Variants in NBAS observed in about 807,000 individuals in gnomAD.
NBAS encodes the protein NAG/BC035112 fusion.
NBAS carries 219 observed loss-of-function variants against 302.5 expected under a neutral mutation model. The observed-to-expected ratio is 0.72, with a 90% CI of 0.65 to 0.81. The LOEUF is 0.81. Among genes scored for constraint, NBAS ranks in the 30% least tolerant of loss-of-function variants. The pLI, the probability that NBAS is intolerant of heterozygous loss-of-function variation, is 0.00. For synonymous variants in NBAS, 1,118 were observed against 1,021.6 expected (o/e 1.09, Z -1.80); for missense variants, 2,932 against 2,841.6 (o/e 1.03, Z -0.72).
At chr2:14,785,414 G>A in the NBAS span, among the ~76,000 whole-genome samples, 18 of 152,272 alleles carry the variant, frequency 1.2e-4, no homozygotes, top group Admixed American at 3.9e-4. Context: ...CAAAGGGAAT[G>A]CTTCCAGTTT....
rs556576403 is a variant in NBAS at position 15,387,270 on chromosome 2, T to C, written c.3258-3953A>G. Among the ~76,000 whole-genome samples the C allele has an allele frequency of 2.6e-5, 4 of 152,206 alleles. No homozygotes were observed. In the South Asian group the frequency reaches 8.3e-4, roughly 32 times the overall value. The stretch of plus-strand genomic sequence containing the variant: ...TTTTAGTAGAGACAAGGTTTCACCA[T>C]GTTAGCCAGAATGGTCTCCATCTCC... On this transcript the variant is annotated intron_variant, in intron 28 of 51. Transcript: ENST00000281513.
At chr2:15,081,682 G>A in the NBAS span, among the ~76,000 whole-genome samples, 22 of 152,262 alleles carry the variant, frequency 1.4e-4, 1 homozygote, top group African/African-American at 3.1e-4. Context: ...CTTCCCTATC[G>A]TGTGTAATTA....
At chr2:15,241,558 T>A (rs1667867538) in intron 44 of NBAS, among the ~76,000 whole-genome samples, 1 of 152,186 alleles carries the variant, frequency 6.6e-6, no homozygotes. Flanking sequence ...CTTGACAAAG[T>A]GCTTCAAGCT....
In NBAS at chr2:15,461,232, G is replaced by A. The variant is rs772759479; in HGVS notation, c.2308C>T (p.His770Tyr). 49 of 1,613,732 alleles carry A rather than the reference G, an allele frequency of 3.0e-5. No homozygotes were observed. The East Asian group carries it at 3.1e-4, about 10-fold the overall frequency. Residue 770 changes from histidine to tyrosine, a missense_variant, in exon 21 of 52, where the codon CAT becomes TAT. By Grantham distance (83) the His-to-Tyr change is moderately conservative. Transcript: ENST00000281513. ...LSNFPETTSP[H>Y]EYSVLLPEAC... The stretch of plus-strand genomic sequence containing the variant: ...TCGGGCAGCAAAACAGAATATTCAT[G>A]TGGAGAAGTGGTCTCTGGAAAGTTG...
chr2:14,819,320 G>A, the NBAS span, among the ~76,000 whole-genome samples: 3 of 152,190 alleles, frequency 2.0e-5, no homozygotes, highest in Non-Finnish European at 4.4e-5. Flanking sequence ...TCCAATCCTA[G>A]AAGACCAGAA....
the NBAS span, among the ~76,000 whole-genome samples, chr2:15,151,680 G>A: frequency 1.3e-5 from 2 of 152,086 alleles, no homozygotes; most frequent in African/African-American, 4.8e-5. Flanking sequence ...TAAGGTACTT[G>A]GCTAAAATAA....
At chr2:15,259,556 T>C (rs1361875453) in intron 44 of NBAS, among the ~76,000 whole-genome samples, 2 of 152,218 alleles carry the variant, frequency 1.3e-5, no homozygotes, top group East Asian at 3.8e-4. Context: ...CTTTGAGATG[T>C]AAATCTTCTA....
chr2:15,041,994 T>C, the NBAS span, among the ~76,000 whole-genome samples: 1 of 152,242 alleles, frequency 6.6e-6, no homozygotes, highest in Non-Finnish European at 1.5e-5. Context: ...ATGAAGGTGA[T>C]ACGTGTTTGT....
chr2:15,253,742 G>C (rs1486329548), intron 44 of NBAS, among the ~76,000 whole-genome samples: 1 of 152,090 alleles, frequency 6.6e-6, no homozygotes, highest in Non-Finnish European at 1.5e-5. Context: ...ACATTGTTCT[G>C]ATGTCTAAAG....
the NBAS span, among the ~76,000 whole-genome samples, chr2:14,943,191 A>G: frequency 1.3e-5 from 2 of 152,214 alleles, no homozygotes; most frequent in African/African-American, 4.8e-5. Context: ...GGGACTCTCA[A>G]TGACTCACCA....
chr2:15,275,910 C>G lies in NBAS; in HGVS notation c.5390-92G>C, dbSNP rs550958430. On this transcript the variant is annotated intron_variant, in intron 43 of 51. Coordinates refer to ENST00000281513, the MANE Select transcript of NBAS (RefSeq NM_015909.4). Reference sequence around the variant, plus strand: ...CACACACACATAGCCCTCTATATGTCTGAACGCAAAGATCTATCAACTTAG... The same window carrying G: ...CACACACACATAGCCCTCTATATGTGTGAACGCAAAGATCTATCAACTTAG... The G allele has an allele frequency of 1.1e-4, 118 of 1,090,404 alleles. 1 individual carries two copies. In the South Asian group the frequency reaches 1.5e-3, roughly 13 times the overall value. The allele number at this position is 1,090,404 out of a possible 1,614,324, so 67.5% of individuals were successfully genotyped here.
the NBAS span, among the ~76,000 whole-genome samples, chr2:14,842,412 T>G: frequency 2.1e-4 from 32 of 151,934 alleles, no homozygotes; most frequent in African/African-American, 7.7e-4. Flanking sequence ...ACAAAATTAA[T>G]AAACTTTCTT....
intron 19 of NBAS, among the ~76,000 whole-genome samples, chr2:15,462,725 G>A (rs918077365): frequency 2.6e-5 from 4 of 152,110 alleles, no homozygotes; most frequent in African/African-American, 9.7e-5. Flanking sequence ...GCGAGCAGGT[G>A]AATACACAGG....
At chr2:14,813,313 T>A in the NBAS span, among the ~76,000 whole-genome samples, 409 of 152,282 alleles carry the variant, frequency 2.7e-3, no homozygotes, top group African/African-American at 9.2e-3. Flanking sequence ...GGTTTGGAAC[T>A]TCTTAAAGAC....
At chr2:14,796,389 G>A in the NBAS span, among the ~76,000 whole-genome samples, 1 of 152,130 alleles carries the variant, frequency 6.6e-6, no homozygotes, top group African/African-American at 2.4e-5. Context: ...TGACTGCTGG[G>A]ATTTTGATTG....
At chr2:15,384,530 C>T (rs918128678) in intron 28 of NBAS, among the ~76,000 whole-genome samples, 2 of 150,828 alleles carry the variant, frequency 1.3e-5, no homozygotes, top group African/African-American at 4.9e-5. Flanking sequence ...AAAGACCCCC[C>T]CCCCATTTTT....
At chr2:15,294,980 C>T (rs1436288637) in intron 40 of NBAS, among the ~76,000 whole-genome samples, 1 of 152,222 alleles carries the variant, frequency 6.6e-6, no homozygotes, top group East Asian at 1.9e-4. Context: ...ATGTCCCTCT[C>T]TTTACCAGGC....
chr2:15,250,409 A>T (rs1463607617), intron 44 of NBAS, among the ~76,000 whole-genome samples: 2 of 152,236 alleles, frequency 1.3e-5, no homozygotes, highest in Non-Finnish European at 2.9e-5. Context: ...ATGGGCAAAG[A>T]CTTAATGACT....
chr2:14,858,718 A>C, the NBAS span, among the ~76,000 whole-genome samples: 5 of 151,974 alleles, frequency 3.3e-5, no homozygotes, highest in Admixed American at 1.3e-4. Flanking sequence ...TGGGTACCAA[A>C]AAATGCTTAG....
Sources: gnomAD v4.1 joint callset for allele counts (sites outside exome capture counted in the v4.1 genomes callset) on GRCh38, gnomAD v4.1.1 for gene constraint, MANE v1.5 for transcripts, NCBI Gene and HGNC (gene_info 2026-07-23, HGNC 2026-07-21) for gene names.